SPON2: variants seen among roughly 807,000 people sequenced by gnomAD.
SPON2 encodes the protein spondin-2.
SPON2 carries 32 observed loss-of-function variants against 29.9 expected under a neutral mutation model. The observed-to-expected ratio is 1.07, with a 90% CI of 0.81 to 1.44. The LOEUF is 1.44. Ranked by LOEUF, SPON2 falls within the 40% of genes most tolerant of loss-of-function variation. SPON2 has a pLI of 0.00. For synonymous variants in SPON2, 248 were observed against 209.1 expected, an observed-to-expected ratio of 1.19 and a Z score of -1.61; for missense variants, 541 against 455.5, an observed-to-expected ratio of 1.19 and a Z score of -1.71.
At chr4:1,193,366 C>T (rs1727953321) in intron 1 of SPON2, among the ~76,000 whole-genome samples, 1 of 151,870 alleles carries the variant, frequency 6.6e-6, no homozygotes, top group Non-Finnish European at 1.5e-5. Flanking sequence ...GGGTATCTGT[C>T]CTGGGGGAGT....
intron 5 of SPON2, among the ~76,000 whole-genome samples, chr4:1,168,899 A>G (rs1226560463): frequency 2.6e-5 from 4 of 152,198 alleles, no homozygotes; most frequent in Admixed American, 6.5e-5. Flanking sequence ...CAGCCGCCAC[A>G]TGCCCATCCC....
At chr4:1,207,323 CCTGGCCCCGG>C (rs962015352) in intron 1 of SPON2, among the ~76,000 whole-genome samples, 6 of 152,128 alleles carry the variant, frequency 3.9e-5, no homozygotes, top group African/African-American at 1.2e-4. Context: ...TGTCCACAGC[CCTGGCCCCGG>C]CTGGCCCCGG....
At chr4:1,174,587 C>T (rs1727556437), upstream of SPON2, among the ~76,000 whole-genome samples, 1 of 151,678 alleles carries the variant, frequency 6.6e-6, no homozygotes, top group Non-Finnish European at 1.5e-5. Flanking sequence ...CCTATGGATA[C>T]TTATCATTTT....
Position 1,167,541 on chromosome 4 carries a change from G to A in SPON2, c.927C>T (p.Pro309=). The part of the protein sequence containing the change: ...KSRTRYVRVQ[P]ANNGSPCPEL... ...CGGGGCAGGGGCTCCCGTTGTTGGC[G>A]GGCTGGACCCGGACGTAGCGAGTCC... is the stretch of plus-strand genomic sequence containing the variant. Residue 309 remains proline (P), a synonymous_variant, in exon 6 of 6, where the codon CCC becomes CCT. Coordinates refer to ENST00000290902, the MANE Select transcript of SPON2 (RefSeq NM_012445.4). 1.2e-6 allele frequency: 2 copies of A among 1,613,674 alleles called. No homozygotes were observed. The highest frequency in any genetic ancestry group is 1.7e-6 in the Non-Finnish European group (2 of 1,179,990).
At chr4:1,198,112 T>TA (rs573777732), upstream of SPON2, among the ~76,000 whole-genome samples, 268 of 144,994 alleles carry the variant, frequency 1.8e-3, 2 homozygotes, top group African/African-American at 6.5e-3. Context: ...TACATTGAAA[T>TA]AAAAAAACCC....
Position 1,171,144 on chromosome 4 carries a change from C to G in SPON2, c.491G>C (p.Gly164Ala). 1 of 1,554,014 alleles carries G rather than the reference C, an allele frequency of 6.4e-7. No homozygotes were observed. The highest frequency in any genetic ancestry group is 8.7e-7 in the Non-Finnish European group (1 of 1,149,358). Reference protein sequence around the residue: ...RIVPSPDWFVGVDSLDLCDGD... With the variant: ...RIVPSPDWFVAVDSLDLCDGD... ...GTCGCACAGGTCCAGGCTGTCCACGCCCACGAACCAGTCGGGGCTGGGCAC... is the reference window on the plus strand; with the variant it reads ...GTCGCACAGGTCCAGGCTGTCCACGGCCACGAACCAGTCGGGGCTGGGCAC... Residue 164 changes from glycine to alanine, a missense_variant, in exon 4 of 6, where the codon GGC (glycine) becomes GCC (alanine). Coordinates refer to ENST00000290902, the MANE Select transcript of SPON2 (RefSeq NM_012445.4).
chr4:1,172,345 G>A, intron 1 of SPON2, 199 bp downstream of exon 1: 4 of 555,660 alleles, frequency 7.2e-6, no homozygotes, highest in Non-Finnish European at 1.3e-5. Context: ...GGCCGGTCTG[G>A]GTGCGGCCTC....
At chr4:1,186,061 G>T (rs914110619) in intron 1 of SPON2, among the ~76,000 whole-genome samples, 2 of 146,840 alleles carry the variant, frequency 1.4e-5, no homozygotes, top group Admixed American at 7.0e-5. Flanking sequence ...TGGCTAACAC[G>T]GTGAAACCCC....
Position 1,170,742 on chromosome 4 carries a change from G to GT in SPON2, c.637-167_637-166insA, listed in dbSNP as rs1252897568. On this transcript the variant is annotated intron_variant, in intron 4 of 5. Transcript: ENST00000290902. The stretch of plus-strand genomic sequence containing the variant: ...CAGCCATCCCACGGAACACGGGCTG[G>GT]AAACCGAGGCCAGGAAGGGGCAGCC... 35 of 1,041,008 alleles carry GT rather than the reference G, an allele frequency of 3.4e-5. No homozygotes were observed. The Admixed American group carries it at 6.9e-4, about 21-fold the overall frequency. The allele number at this position is 1,041,008 out of a possible 1,614,324, so 64.5% of individuals were successfully genotyped here.
rs1239003460 is a variant in SPON2, at chr4:1,171,101, T to C, written c.534A>G (p.Glu178=). Residue 178 remains glutamate (E), a synonymous_variant, in exon 4 of 6, where the codon GAA becomes GAG. Coordinates refer to ENST00000290902, the MANE Select transcript of SPON2 (RefSeq NM_012445.4). ...AGGGGTACAGGTCCAGCGCCGCCTGTTCCCGCCAACGGTCCCCGTCGCACA... is the reference window on the plus strand; with the variant it reads ...AGGGGTACAGGTCCAGCGCCGCCTGCTCCCGCCAACGGTCCCCGTCGCACA... ...LDLCDGDRWR[E]QAALDLYPYD... 1 of 1,550,816 alleles carries C rather than the reference T, an allele frequency of 6.4e-7. No homozygotes were observed. Among genetic ancestry groups the C allele is most frequent in the Non-Finnish European group, 8.7e-7 (1 of 1,146,990 alleles).
chr4:1,172,910 TCCTCCCCTC>T (rs1727510823), upstream of SPON2: 3 of 15,386 alleles, frequency 1.9e-4, no homozygotes, highest in Non-Finnish European at 3.7e-4. Context: ...TCCCCTCCCC[TCCTCCCCTC>T]CCCTCCTCCC....
intron 1 of SPON2, chr4:1,201,553 T>TC: frequency 6.4e-6 from 1 of 155,938 alleles, no homozygotes; most frequent in East Asian, 1.9e-4. Context: ...CACACTGAGG[T>TC]CCGCGCGCAG....
intron 1 of SPON2, among the ~76,000 whole-genome samples, chr4:1,205,319 G>A (rs914051446): frequency 2.6e-5 from 4 of 152,216 alleles, no homozygotes; most frequent in African/African-American, 4.8e-5. Flanking sequence ...GCTGAGGCCC[G>A]ATGCCTGAAC....
intron 5 of SPON2, among the ~76,000 whole-genome samples, chr4:1,169,589 G>T (rs555184093): frequency 6.8e-4 from 104 of 152,268 alleles, no homozygotes; most frequent in African/African-American, 2.4e-3. Flanking sequence ...CACATGGCTT[G>T]GGGGGCAGGT....
intron 1 of SPON2, among the ~76,000 whole-genome samples, chr4:1,200,212 G>A (rs1049292104): frequency 3.9e-5 from 6 of 152,156 alleles, no homozygotes; most frequent in East Asian, 1.9e-4. Context: ...GGTGAGAAAC[G>A]CTTCCCTGTC....
upstream of SPON2, among the ~76,000 whole-genome samples, chr4:1,175,718 C>G (rs1046272186): frequency 6.7e-6 from 1 of 149,810 alleles, no homozygotes; most frequent in Non-Finnish European, 1.5e-5. Flanking sequence ...GGATCTCCAG[C>G]TAGGATGTAG....
chr4:1,182,536 T>C (rs1250076111), intron 1 of SPON2, among the ~76,000 whole-genome samples: 1 of 152,166 alleles, frequency 6.6e-6, no homozygotes, highest in East Asian at 1.9e-4. Flanking sequence ...ATGGAAATTA[T>C]TGTCTGAGGA....
At chr4:1,170,947 T>C (rs2153076898) in intron 4 of SPON2, 52 bp downstream of exon 4, 1 of 1,542,450 alleles carries the variant, frequency 6.5e-7, no homozygotes, top group East Asian at 2.5e-5. Flanking sequence ...CCCAGCCCCG[T>C]CCCCACCGCG....
At chr4:1,183,240 C>CA (rs71168813) in intron 1 of SPON2, among the ~76,000 whole-genome samples, 118,741 of 129,102 alleles carry the variant, frequency 0.92, 54,658 homozygotes, top group East Asian at 0.98. Context: ...GAAACTCCAT[C>CA]AAAAAAAAAA....
Sources: allele counts gnomAD v4.1 joint callset (sites outside exome capture counted in the v4.1 genomes callset), GRCh38; gene constraint gnomAD v4.1.1; transcripts MANE v1.5; gene names NCBI Gene and HGNC (gene_info 2026-07-23, HGNC 2026-07-21).